The following FTCDNL1 variants were observed in gnomAD, a reference collection of about 807,000 sequenced individuals.
The protein encoded by FTCDNL1 is formiminotransferase cyclodeaminase N-terminal like, also known as formiminotransferase N-terminal subdomain-containing protein.
Under a neutral mutation model 5.9 loss-of-function variants are expected in FTCDNL1, and 11 were observed. That is an observed-to-expected ratio of 1.87 (90% CI 1.18 to 3.10). FTCDNL1 has a LOEUF of 3.10. Among genes scored for constraint, FTCDNL1 ranks in the 30% most tolerant of loss-of-function variants. FTCDNL1 has a pLI of 0.00. For synonymous variants in FTCDNL1, 58 were observed against 24.8 expected, an observed-to-expected ratio of 2.34 and a Z score of -3.99; for missense variants, 115 against 65.5, an observed-to-expected ratio of 1.76 and a Z score of -2.61.
Position 199,790,950 on chromosome 2 carries a change from C to G in FTCDNL1, c.212-30115G>C, listed in dbSNP as rs542201471. Among the ~76,000 whole-genome samples the G allele has an allele frequency of 2.6e-5, 4 of 152,140 alleles. No individual in the cohort carries two copies. The East Asian group carries it at 7.7e-4, about 29-fold the overall frequency. On this transcript the variant is annotated intron_variant, in intron 3 of 3. Transcript: ENST00000416668. Reference sequence around the variant, plus strand: ...ACGCTGCAATCTCAACTTCTTAAAACCTATCCCAGAGACATAAAAACACCA... The same window carrying G: ...ACGCTGCAATCTCAACTTCTTAAAAGCTATCCCAGAGACATAAAAACACCA...
chr2:199,782,576 C>T (rs114385272), intron 3 of FTCDNL1, among the ~76,000 whole-genome samples: 1,867 of 152,232 alleles, frequency 0.012, 18 homozygotes, highest in Non-Finnish European at 0.019. Flanking sequence ...CAGTTATGTC[C>T]GCTGCAATAA....
chr2:199,682,712 T>A, the FTCDNL1 span, among the ~76,000 whole-genome samples: 1 of 152,206 alleles, frequency 6.6e-6, no homozygotes, highest in Non-Finnish European at 1.5e-5. Context: ...AGGTATTGTT[T>A]AATTGAGTGA....
intron 3 of FTCDNL1, chr2:199,844,565 C>T (rs1303241759): frequency 2.1e-6 from 1 of 486,328 alleles, no homozygotes; most frequent in African/African-American, 2.0e-5. Flanking sequence ...AACAATCATT[C>T]AGCTTTCAAC....
downstream of FTCDNL1, among the ~76,000 whole-genome samples, chr2:199,808,640 G>A (rs1005165289): frequency 7.2e-5 from 11 of 152,104 alleles, no homozygotes; most frequent in Admixed American, 6.5e-5. Context: ...TCAGGTAACC[G>A]GCAAATGAAT....
the FTCDNL1 span, among the ~76,000 whole-genome samples, chr2:199,732,796 G>C: frequency 2.6e-5 from 4 of 152,192 alleles, no homozygotes; most frequent in Admixed American, 2.6e-4. Context: ...GGTTACCCAA[G>C]AGATTGAAAT....
At chr2:199,667,418 C>T in the FTCDNL1 span, among the ~76,000 whole-genome samples, 101,531 of 151,944 alleles carry the variant, frequency 0.67, 36,848 homozygotes, top group South Asian at 0.9. Flanking sequence ...GGGAGGCTCG[C>T]GAGACAGCAA....
At chr2:199,805,102 G>A, downstream of FTCDNL1, among the ~76,000 whole-genome samples, 1 of 152,134 alleles carries the variant, frequency 6.6e-6, no homozygotes, top group East Asian at 1.9e-4. Context: ...AGAACAGCTG[G>A]AGCCTGGAAC....
At chr2:199,850,490 G>A (rs1393640075) in intron 1 of FTCDNL1, among the ~76,000 whole-genome samples, 1 of 152,198 alleles carries the variant, frequency 6.6e-6, no homozygotes, top group African/African-American at 2.4e-5. Context: ...ACACAAAGAT[G>A]GTGTTAGAAA....
chr2:199,706,674 G>A, the FTCDNL1 span, among the ~76,000 whole-genome samples: 45 of 152,292 alleles, frequency 3.0e-4, no homozygotes, highest in South Asian at 9.1e-3. Flanking sequence ...TATGAATATG[G>A]ATATATTATC....
chr2:199,703,011 GGTTT>G, the FTCDNL1 span, among the ~76,000 whole-genome samples: 17,900 of 150,534 alleles, frequency 0.12, 1,144 homozygotes, highest in East Asian at 0.15. Context: ...AAGGACTCTG[GGTTT>G]GTTTGTTTGT....
chr2:199,750,513 C>G, the FTCDNL1 span, among the ~76,000 whole-genome samples: 1 of 152,254 alleles, frequency 6.6e-6, no homozygotes, highest in East Asian at 1.9e-4. Flanking sequence ...TATTTTTGCC[C>G]CCTTCCCACA....
chr2:199,798,807 A>G (rs1240414750), intron 3 of FTCDNL1, among the ~76,000 whole-genome samples: 1 of 152,240 alleles, frequency 6.6e-6, no homozygotes, highest in Non-Finnish European at 1.5e-5. Flanking sequence ...CCTCAACCAT[A>G]CATGATCCCA....
chr2:199,697,088 C>T, the FTCDNL1 span, among the ~76,000 whole-genome samples: 3 of 152,030 alleles, frequency 2.0e-5, no homozygotes, highest in East Asian at 3.9e-4. Flanking sequence ...CTGGCTAACA[C>T]GGTGAAACCC....
intron 3 of FTCDNL1, among the ~76,000 whole-genome samples, chr2:199,835,071 A>G (rs2106603561): frequency 6.6e-6 from 1 of 152,296 alleles, no homozygotes; most frequent in Admixed American, 6.5e-5. Context: ...CTAGCTATTC[A>G]GGAGTCTGAA....
At chr2:199,807,147 A>G (rs1310958390), downstream of FTCDNL1, among the ~76,000 whole-genome samples, 1 of 152,166 alleles carries the variant, frequency 6.6e-6, no homozygotes, top group African/African-American at 2.4e-5. Flanking sequence ...CGTCCTTCTT[A>G]GTTATTATAG....
the FTCDNL1 span, among the ~76,000 whole-genome samples, chr2:199,727,440 C>T: frequency 1.3e-5 from 2 of 152,212 alleles, no homozygotes; most frequent in Non-Finnish European, 2.9e-5. Context: ...CCATGGGTTG[C>T]ACAGATCTGT....
the FTCDNL1 span, among the ~76,000 whole-genome samples, chr2:199,738,876 C>T: frequency 6.6e-6 from 1 of 152,162 alleles, no homozygotes; most frequent in Non-Finnish European, 1.5e-5. Flanking sequence ...CTTAACTCTT[C>T]CAAAGGAACT....
chr2:199,713,359 T>G, the FTCDNL1 span, among the ~76,000 whole-genome samples: 1 of 152,066 alleles, frequency 6.6e-6, no homozygotes, highest in Non-Finnish European at 1.5e-5. Flanking sequence ...AGGACAATGA[T>G]CCTTGAGAAA....
chr2:199,832,970 A>ATT (rs201062391), intron 3 of FTCDNL1, among the ~76,000 whole-genome samples: 3 of 142,946 alleles, frequency 2.1e-5, no homozygotes, highest in Admixed American at 1.4e-4. Flanking sequence ...CAGCTCCCTA[A>ATT]TTTTTTTTTT....
Sources: allele counts gnomAD v4.1 joint callset (sites outside exome capture counted in the v4.1 genomes callset), GRCh38; gene constraint gnomAD v4.1.1; transcripts MANE v1.5; gene names NCBI Gene and HGNC (gene_info 2026-07-23, HGNC 2026-07-21).